CTBP2: variants seen among roughly 807,000 people sequenced by gnomAD.
CTBP2 encodes the protein C-terminal-binding protein 2.
Under a neutral mutation model 80.3 loss-of-function variants are expected in CTBP2, and 30 were observed. That is an observed-to-expected ratio of 0.37 (90% CI 0.28 to 0.51). CTBP2 has a LOEUF of 0.51. Ranked by LOEUF, CTBP2 falls within the 20% of genes least tolerant of loss-of-function variation. The pLI is 0.93. For synonymous variants in CTBP2, 594 were observed against 587.4 expected (o/e 1.01, Z -0.16); for missense variants, 1,212 against 1,375.3 (o/e 0.88, Z 1.88).
chr10:125,073,134 G>A (rs1433187366), intron 2 of CTBP2, among the ~76,000 whole-genome samples: 3 of 152,358 alleles, frequency 2.0e-5, no homozygotes, highest in Non-Finnish European at 2.9e-5. Context: ...GCAATGGCAA[G>A]GGCCACTCTC....
intron 3 of CTBP2, chr10:124,998,537 A>C (rs894485535): frequency 5.3e-5 from 17 of 323,572 alleles, no homozygotes; most frequent in African/African-American, 3.4e-4. Flanking sequence ...GACTCCTCCA[A>C]GTGGACCCCA....
At chr10:125,159,422 C>A (rs1861547048) in intron 1 of CTBP2, among the ~76,000 whole-genome samples, 1 of 144,968 alleles carries the variant, frequency 6.9e-6, no homozygotes, top group African/African-American at 2.5e-5. Context: ...GGCCCCCGCC[C>A]GCGCCCGCCG....
At position 125,026,146 on chromosome 10, in the gene CTBP2, G is replaced by A. The variant is rs149670486; in HGVS notation, c.1614C>T (p.Tyr538=). The change falls in exon 1 of 9, where the codon TAC becomes TAT. Residue 538 remains tyrosine, a synonymous_variant. Coordinates refer to ENST00000309035, the MANE Select transcript of CTBP2 (RefSeq NM_022802.3). ...CCCCTGTGCGCCGGGCCACCTTCTG[G>A]TACGGTGAGTGAGGCGTGTGGAGGC... is the stretch of plus-strand genomic sequence containing the variant. The A allele has an allele frequency of 3.1e-6, 5 of 1,606,316 alleles. No homozygotes were observed. Among genetic ancestry groups the A allele is most frequent in the African/African-American group, 1.3e-5 (1 of 74,750 alleles).
chr10:125,010,048 C>CCACGGCAGCCTCCTTG (rs1955692627), intron 1 of CTBP2, among the ~76,000 whole-genome samples: 1 of 152,138 alleles, frequency 6.6e-6, no homozygotes, highest in Non-Finnish European at 1.5e-5. Context: ...GGGAAGGTGC[C>CCACGGCAGCCTCCTTG]TGTTCCCACG....
chr10:125,123,233 T>G (rs1590927898), intron 1 of CTBP2, among the ~76,000 whole-genome samples: 1 of 152,160 alleles, frequency 6.6e-6, no homozygotes, highest in East Asian at 1.9e-4. Context: ...ACGGGGGGAT[T>G]CTTGGGCTGG....
At chr10:125,025,159 A>G (rs1479470499) in intron 1 of CTBP2, among the ~76,000 whole-genome samples, 2 of 151,558 alleles carry the variant, frequency 1.3e-5, no homozygotes, top group Non-Finnish European at 2.9e-5. Context: ...AAAAAAAATC[A>G]TTTGAAAAGG....
At chr10:125,046,243 T>C (rs1487197776) in intron 2 of CTBP2, among the ~76,000 whole-genome samples, 1 of 152,070 alleles carries the variant, frequency 6.6e-6, no homozygotes, top group Non-Finnish European at 1.5e-5. Flanking sequence ...TATTTTAGAA[T>C]TTGGATATGA....
intron 2 of CTBP2, among the ~76,000 whole-genome samples, chr10:125,046,537 C>CAAAAAAAAAAAA (rs57913854): frequency 5.1e-4 from 58 of 114,714 alleles, no homozygotes; most frequent in Middle Eastern, 4.4e-3. Context: ...GACTCTATCT[C>CAAAAAAAAAAAA]AAAAAAAAAA....
intron 3 of CTBP2, among the ~76,000 whole-genome samples, chr10:125,035,676 T>A (rs1186164133): frequency 2.0e-5 from 3 of 152,224 alleles, no homozygotes; most frequent in Non-Finnish European, 4.4e-5. Context: ...CTGGGTTCCC[T>A]TTGCAATGCT....
chr10:125,081,742 T>C (rs755769298), intron 2 of CTBP2, among the ~76,000 whole-genome samples: 2 of 152,094 alleles, frequency 1.3e-5, no homozygotes, highest in African/African-American at 2.4e-5. Context: ...GACTGATATT[T>C]TCCCAGAGAA....
chr10:125,096,584 T>C (rs1849580488), intron 2 of CTBP2, among the ~76,000 whole-genome samples: 1 of 152,174 alleles, frequency 6.6e-6, no homozygotes, highest in Admixed American at 6.5e-5. Flanking sequence ...CGTGGTCATT[T>C]ACAAAACTAA....
At chr10:125,074,521 T>C (rs1244858998) in intron 2 of CTBP2, among the ~76,000 whole-genome samples, 1 of 152,174 alleles carries the variant, frequency 6.6e-6, no homozygotes, top group Non-Finnish European at 1.5e-5. Flanking sequence ...CACCCAGCAA[T>C]TTTTGTATTT....
At chr10:125,151,224 G>A (rs1317663114) in intron 1 of CTBP2, among the ~76,000 whole-genome samples, 2 of 152,172 alleles carry the variant, frequency 1.3e-5, no homozygotes, top group Non-Finnish European at 2.9e-5. Flanking sequence ...TGGAGAAGAC[G>A]AGGGCAAGAC....
chr10:125,077,077 A>G (rs1245073716), intron 2 of CTBP2, among the ~76,000 whole-genome samples: 1 of 152,090 alleles, frequency 6.6e-6, no homozygotes, highest in Non-Finnish European at 1.5e-5. Flanking sequence ...AAAAGAGAAA[A>G]AATTCACCAC....
At chr10:125,150,874 G>C (rs186491926) in intron 1 of CTBP2, among the ~76,000 whole-genome samples, 1 of 149,490 alleles carries the variant, frequency 6.7e-6, no homozygotes, top group Admixed American at 6.7e-5. Context: ...GGCAGGCCCC[G>C]TTGAATACGT....
chr10:125,108,717 G>C (rs1554933160), intron 2 of CTBP2, among the ~76,000 whole-genome samples: 1 of 150,664 alleles, frequency 6.6e-6, no homozygotes, highest in Non-Finnish European at 1.5e-5. Context: ...TCTGGGGTGG[G>C]CTGGGCGGGG....
At chr10:125,093,125 T>G (rs1192904400) in intron 2 of CTBP2, among the ~76,000 whole-genome samples, 3 of 152,220 alleles carry the variant, frequency 2.0e-5, no homozygotes, top group Non-Finnish European at 4.4e-5. Context: ...TGCTCAAGTA[T>G]CAGAAGCTGT....
At chr10:125,029,807 C>T (rs1389399585), upstream of CTBP2, among the ~76,000 whole-genome samples, 1 of 152,188 alleles carries the variant, frequency 6.6e-6, no homozygotes, top group African/African-American at 2.4e-5. Flanking sequence ...AGCAAGTTCT[C>T]AAATGTAAAC....
At chr10:124,993,740 TG>T in intron 6 of CTBP2, 114 bp downstream of exon 8, 1 of 1,266,220 alleles carries the variant, frequency 7.9e-7, no homozygotes, top group Non-Finnish European at 1.1e-6. Context: ...ATGTCATCTC[TG>T]GAGTTTCCTG....
Sources: gnomAD v4.1 joint callset for allele counts (sites outside exome capture counted in the v4.1 genomes callset) on GRCh38, gnomAD v4.1.1 for gene constraint, MANE v1.5 for transcripts, NCBI Gene and HGNC (gene_info 2026-07-23, HGNC 2026-07-21) for gene names.